MYOM3: variants seen among roughly 807,000 people sequenced by gnomAD.
The protein encoded by MYOM3 is myomesin-3.
Under a neutral mutation model 191.7 loss-of-function variants are expected in MYOM3, and 155 were observed. The ratio of observed to expected loss-of-function variants is 0.81; its 90% CI spans 0.71 to 0.92. The LOEUF is 0.92. Among genes scored for constraint, MYOM3 ranks in the 40% least tolerant of loss-of-function variants. The pLI, the probability that MYOM3 is intolerant of heterozygous loss-of-function variation, is 0.00. For synonymous variants in MYOM3, 757 were observed against 762.9 expected (o/e 0.99, Z 0.13); for missense variants, 1,889 against 1,890.6 (o/e 1.00, Z 0.02).
At chr1:24,103,323 A>G (rs911412460) in intron 5 of MYOM3, among the ~76,000 whole-genome samples, 18 of 152,216 alleles carry the variant, frequency 1.2e-4, no homozygotes, top group African/African-American at 4.3e-4. Flanking sequence ...GTGCCCAGCA[A>G]GGTACTTGGC....
Position 24,108,332 on chromosome 1 carries a change from C to T in MYOM3, c.161+144G>A, listed in dbSNP as rs369437709. 7 of 942,250 alleles carry T rather than the reference C, an allele frequency of 7.4e-6. No individual in the cohort carries two copies. The African/African-American group carries it at 1.2e-4, about 16-fold the overall frequency. 58.4% of individuals were successfully genotyped at this position (942,250 alleles called of 1,614,324 possible). A position where few individuals can be genotyped will look rare whatever the true frequency, so the allele number is the denominator to read the frequency against. The stretch of plus-strand genomic sequence containing the variant: ...TCTCCAGAGAGCCAATTGTGTCTCC[C>T]CCCTCAGACAGGGGGTTCAGAAAGC... On this transcript the variant is annotated intron_variant, in intron 2 of 36. Coordinates refer to ENST00000374434, the MANE Select transcript of MYOM3 (RefSeq NM_152372.4).
rs760570649 is a variant in MYOM3, at chr1:24,090,842, C to G, written c.1387G>C (p.Glu463Gln). Residue 463 changes from glutamate (E) to glutamine (Q), a missense_variant, in exon 12 of 37, where the codon GAG becomes CAG. Glu to Gln is a conservative substitution (Grantham distance 29). Coordinates refer to ENST00000374434, the MANE Select transcript of MYOM3 (RefSeq NM_152372.4). ...TCATGGTCACCCATGACAACCAACTCTGAGGCCTTGGAGGGGACGCTGCTG... is the reference window on the plus strand; with the variant it reads ...TCATGGTCACCCATGACAACCAACTGTGAGGCCTTGGAGGGGACGCTGCTG... ...VGSSVPSKAS[E>Q]LVVMGDHDAA... The G allele has an allele frequency of 6.2e-7, 1 of 1,614,176 alleles. No homozygotes were observed. Among genetic ancestry groups the G allele is most frequent in the South Asian group, 1.1e-5 (1 of 91,078 alleles).
intron 24 of MYOM3, among the ~76,000 whole-genome samples, chr1:24,071,703 C>A (rs1414173191): frequency 6.6e-6 from 1 of 152,172 alleles, no homozygotes; most frequent in African/African-American, 2.4e-5. Context: ...TTAGACGATC[C>A]CAAATCCTAA....
rs1311261090 is a variant in MYOM3, at chr1:24,063,285, C to T, written c.3662-51G>A. The T allele has an allele frequency of 3.3e-6, 5 of 1,535,544 alleles. No homozygotes were observed. Among genetic ancestry groups the T allele is most frequent in the South Asian group, 2.2e-5 (2 of 89,388 alleles). The stretch of plus-strand genomic sequence containing the variant: ...ATCTTCCCTGAGGCCATTTAGGCAT[C>T]AGATTTTGGGGCCGGCTTGTCTGCC... On this transcript the variant is annotated intron_variant, in intron 31 of 36. Transcript: ENST00000374434. The surrounding 1 kb of genome is among the most constrained non-coding windows in gnomAD (Gnocchi z 4.5).
chr1:24,061,201 G>C (rs749904998), intron 34 of MYOM3, 72 bp downstream of exon 34: 2 of 1,604,386 alleles, frequency 1.2e-6, no homozygotes, highest in South Asian at 2.2e-5. Flanking sequence ...CCAGGAAGGA[G>C]TCCTGAGCCT....
chr1:24,057,692 C>T, intron 36 of MYOM3, 65 bp from the exon 37 acceptor site: 1 of 1,501,216 alleles, frequency 6.7e-7, no homozygotes, highest in Non-Finnish European at 9.1e-7. Flanking sequence ...CATTTGCTTT[C>T]ATGCCCCCAG....
rs984061233 is a variant in MYOM3, at chr1:24,080,172, T to G, written c.2430A>C (p.Ala810=). 1.9e-6 allele frequency: 3 copies of G among 1,613,188 alleles called. No homozygotes were observed. Among genetic ancestry groups the G allele is most frequent in the East Asian group, 2.2e-5 (1 of 44,842 alleles). ...CCAGGGATGTGGCCCGCACCTCGGATGCCCGTACATCGTACGGGGGGCCTG... is the reference window on the plus strand; with the variant it reads ...CCAGGGATGTGGCCCGCACCTCGGAGGCCCGTACATCGTACGGGGGGCCTG... ...PQPGPPYDVR[A]SEVRATSLVL... Residue 810 remains alanine, a synonymous_variant, in exon 20 of 37, where the codon GCA becomes GCC. Transcript: ENST00000374434.
In MYOM3 at chr1:24,068,337, C is replaced by G. The variant is rs766033107; in HGVS notation, c.3181G>C (p.Gly1061Arg). The change falls in exon 26 of 37, where the codon GGC becomes CGC. Residue 1061 changes from glycine to arginine, a missense_variant. By Grantham distance (125) the Gly-to-Arg change is moderately radical. Coordinates refer to ENST00000374434, the MANE Select transcript of MYOM3 (RefSeq NM_152372.4). ...NRKINFDREK[G>R]LVEVIIQNLS... is the part of the protein sequence containing the mutation. ...TTCTGGATGATCACTTCCACCAGGC[C>G]CTTCTCTCGGTCAAAATTGATTTTG... is the stretch of plus-strand genomic sequence containing the variant. 4 of 1,614,042 alleles carry G rather than the reference C, an allele frequency of 2.5e-6. No homozygotes were observed. The highest frequency in any genetic ancestry group is 3.4e-6 in the Non-Finnish European group (4 of 1,179,946).
Position 24,094,992 on chromosome 1 carries a change from T to C in MYOM3, c.791-2A>G. On this transcript the variant is annotated splice_acceptor_variant, in intron 8 of 36. Coordinates refer to ENST00000374434, the MANE Select transcript of MYOM3 (RefSeq NM_152372.4). LOFTEE classifies it high-confidence loss of function. ...CCACGCTGGGGCCAAACGTCGATCC[T>C]GGCGTGGGAATGAAATTTGGGGCAG... 1.2e-6 allele frequency: 2 copies of C among 1,611,432 alleles called. No individual in the cohort carries two copies. The highest frequency in any genetic ancestry group is 1.3e-5 in the African/African-American group (1 of 74,926).
At chr1:24,073,909 G>T (rs2148547175) in intron 23 of MYOM3, among the ~76,000 whole-genome samples, 2 of 141,598 alleles carry the variant, frequency 1.4e-5, no homozygotes, top group East Asian at 4.1e-4. Context: ...AGAGAGACCA[G>T]AAAAATGTAA....
rs777419636 is a variant in MYOM3, at chr1:24,090,056, C to T, written c.1486+9G>A. On this transcript the variant is annotated intron_variant, in intron 13 of 36. Transcript: ENST00000374434. ...CAGGAGGCCCAGTGTGTGGGAGGAT[C>T]CCGCGTACCTTCAAAAGCGTCTGTG... The T allele has an allele frequency of 6.2e-7, 1 of 1,613,700 alleles. No individual in the cohort carries two copies. The highest frequency in any genetic ancestry group is 2.2e-5 in the East Asian group (1 of 44,880).
intron 25 of MYOM3, among the ~76,000 whole-genome samples, chr1:24,070,103 T>C (rs1015584900): frequency 2.6e-5 from 4 of 152,140 alleles, no homozygotes; most frequent in Non-Finnish European, 4.4e-5. Flanking sequence ...AATAATATAC[T>C]CTAACCATAA....
chr1:24,112,029 A>G lies in MYOM3; in HGVS notation c.-19+2T>C, dbSNP rs41303887. ...CCACCCTGATTTCTGGGGGTGACTC[A>G]CAGAAGCAGTGTGCCCACTTAGGAG... On this transcript the variant is annotated splice_donor_variant, in intron 1 of 36. Transcript: ENST00000374434. LOFTEE classifies it low-confidence loss of function (5UTR_SPLICE). 1.3e-5 allele frequency: 2 copies of G among 152,134 alleles called. No individual in the cohort carries two copies. The highest frequency in any genetic ancestry group is 2.9e-5 in the Non-Finnish European group (2 of 68,042). 9.4% of individuals were successfully genotyped at this position (152,134 alleles called of 1,614,324 possible).
At chr1:24,091,042 A>G in intron 11 of MYOM3, 46 bp from the exon 12 acceptor site, 1 of 1,599,008 alleles carries the variant, frequency 6.3e-7, no homozygotes, top group East Asian at 2.2e-5. Context: ...CACAATGCAC[A>G]CCTTCCCAAT....
chr1:24,066,575 C>T lies in MYOM3; in HGVS notation c.3423+446G>A, dbSNP rs115787228. 5.0e-3 allele frequency: 1,886 copies of T among 376,558 alleles called. 28 individuals are homozygous for T. Among genetic ancestry groups the T allele is most frequent in the African/African-American group, 0.036 (1,785 of 49,288 alleles). The allele number at this position is 376,558 out of a possible 1,614,324, so 23.3% of individuals were successfully genotyped here. A position where few individuals can be genotyped will look rare whatever the true frequency, so the allele number is the denominator to read the frequency against. On this transcript the variant is annotated intron_variant, in intron 28 of 36. Transcript: ENST00000374434. ...TTCAAACCTGGGCTCTCCCTCTTAC[C>T]GTGTGGCCTTGAGCTATTTCTCCAT...
At chr1:24,076,387 C>G in intron 20 of MYOM3, 114 bp from the exon 21 acceptor site, 1 of 705,714 alleles carries the variant, frequency 1.4e-6, no homozygotes, top group East Asian at 2.7e-5. Flanking sequence ...CTTCTTGTGT[C>G]CCTCATCTTT....
Position 24,057,448 on chromosome 1 carries a change from C to T in MYOM3, c.4230G>A (p.Lys1410=), listed in dbSNP as rs375533998. The T allele has an allele frequency of 6.2e-7, 1 of 1,614,106 alleles. No individual in the cohort carries two copies. The highest frequency in any genetic ancestry group is 1.3e-5 in the African/African-American group (1 of 74,932). Residue 1410 remains lysine, a synonymous_variant, in exon 37 of 37, where the codon AAG becomes AAA. Transcript: ENST00000374434. ...GGCCCGTCTCGGAGCCATACTTGTT[C>T]TTGACGAAGACGCCGTAGCGGCCGC... The part of the protein sequence containing the change: ...EDSGRYGVFV[K]NKYGSETGQV...
At position 24,063,979 on chromosome 1, in the gene MYOM3, C is replaced by T. The variant is rs1422099537; in HGVS notation, c.3622+93G>A. The T allele has an allele frequency of 8.5e-6, 8 of 943,140 alleles. No individual in the cohort carries two copies. Among genetic ancestry groups the T allele is most frequent in the East Asian group, 2.4e-5 (1 of 40,978 alleles). 58.4% of individuals were successfully genotyped at this position (943,140 alleles called of 1,614,324 possible). A position where few individuals can be genotyped will look rare whatever the true frequency, so the allele number is the denominator to read the frequency against. On this transcript the variant is annotated intron_variant, in intron 30 of 36. Transcript: ENST00000374434. This position sits in a 1 kb window ranked among gnomAD's most constrained non-coding sequence, Gnocchi z 4.5. ...TTTGTGCCTCAATTTCTCCAAGTGACATGGGGATCCCATAAATCTTACTGC... is the reference window on the plus strand; with the variant it reads ...TTTGTGCCTCAATTTCTCCAAGTGATATGGGGATCCCATAAATCTTACTGC...
intron 27 of MYOM3, among the ~76,000 whole-genome samples, chr1:24,067,386 T>TTC (rs71779971): frequency 0.028 from 1,323 of 47,410 alleles, 34 homozygotes; most frequent in East Asian, 0.059. Flanking sequence ...CTTTCTTTCT[T>TTC]TTTCCTTCCT....
Sources: allele counts gnomAD v4.1 joint callset (sites outside exome capture counted in the v4.1 genomes callset), GRCh38; gene constraint gnomAD v4.1.1; non-coding constraint Gnocchi (gnomAD v3.1); transcripts MANE v1.5; gene names NCBI Gene and HGNC (gene_info 2026-07-23, HGNC 2026-07-21).